The following PDZRN4 variants were observed in gnomAD, a reference collection of about 807,000 sequenced individuals.
PDZRN4 encodes the protein PDZ domain containing ring finger 4, also known as PDZ domain-containing RING finger protein 4.
Under a neutral mutation model 99.0 loss-of-function variants are expected in PDZRN4, and 70 were observed. That is an observed-to-expected ratio of 0.71 (90% confidence interval 0.58 to 0.86). The LOEUF (loss-of-function observed/expected upper bound fraction) is 0.86, where lower values mean the gene tolerates loss of function less well. Among genes scored for constraint, PDZRN4 ranks in the 40% least tolerant of loss-of-function variants. PDZRN4 has a pLI of 0.00. For synonymous variants in PDZRN4, 551 were observed against 501.6 expected (o/e 1.10, Z -1.32); for missense variants, 1,474 against 1,331.2 (o/e 1.11, Z -1.67).
At chr12:41,417,570 A>G (rs1952455316) in intron 3 of PDZRN4, among the ~76,000 whole-genome samples, 1 of 152,208 alleles carries the variant, frequency 6.6e-6, no homozygotes, top group African/African-American at 2.4e-5. Flanking sequence ...GTACTCCAAG[A>G]TGTTGCAATA....
intron 3 of PDZRN4, among the ~76,000 whole-genome samples, chr12:41,257,176 C>A (rs1257526962): frequency 6.6e-6 from 1 of 152,200 alleles, no homozygotes; most frequent in East Asian, 1.9e-4. Flanking sequence ...TGAATGAATT[C>A]TCTTTCTTCC....
chr12:41,395,946 G>T (rs958339146), intron 3 of PDZRN4, among the ~76,000 whole-genome samples: 2 of 151,920 alleles, frequency 1.3e-5, no homozygotes, highest in African/African-American at 4.8e-5. Flanking sequence ...TTCTCAGAAG[G>T]CATTTTTTTA....
At chr12:41,305,371 C>T (rs1235628639) in intron 3 of PDZRN4, among the ~76,000 whole-genome samples, 2 of 152,174 alleles carry the variant, frequency 1.3e-5, no homozygotes, top group Admixed American at 6.5e-5. Flanking sequence ...CAGTGCCAAA[C>T]ATGCAATAAG....
chr12:41,292,355 C>G (rs1951461882), intron 3 of PDZRN4, among the ~76,000 whole-genome samples: 1 of 152,092 alleles, frequency 6.6e-6, no homozygotes, highest in African/African-American at 2.4e-5. Flanking sequence ...TTTCATGTTG[C>G]TGGAGAGCAC....
chr12:41,260,916 A>T (rs1443254158), intron 3 of PDZRN4, among the ~76,000 whole-genome samples: 1 of 151,782 alleles, frequency 6.6e-6, no homozygotes, highest in East Asian at 1.9e-4. Context: ...CTACAATATC[A>T]CCCCCCGTAG....
intron 3 of PDZRN4, among the ~76,000 whole-genome samples, chr12:41,255,555 G>T (rs1951199002): frequency 6.6e-6 from 1 of 152,178 alleles, no homozygotes; most frequent in Non-Finnish European, 1.5e-5. Flanking sequence ...TGAGGAGGAT[G>T]TTGAGGGAAC....
chr12:41,456,953 G>A (rs900065910), intron 3 of PDZRN4, among the ~76,000 whole-genome samples: 7 of 152,190 alleles, frequency 4.6e-5, no homozygotes, highest in African/African-American at 1.4e-4. Flanking sequence ...TCATGCCTAA[G>A]TTTGCAGCCA....
chr12:41,230,215 T>C (rs1951018998), intron 3 of PDZRN4, among the ~76,000 whole-genome samples: 1 of 151,956 alleles, frequency 6.6e-6, no homozygotes, highest in African/African-American at 2.4e-5. Flanking sequence ...CTTTAGGTTC[T>C]GGGTAAGGGA....
chr12:41,378,077 G>C (rs1461379288), intron 3 of PDZRN4, among the ~76,000 whole-genome samples: 1 of 152,080 alleles, frequency 6.6e-6, no homozygotes, highest in African/African-American at 2.4e-5. Context: ...AAAGAATTCA[G>C]GTTTTCACTG....
At chr12:41,368,296 A>G (rs1952016803) in intron 3 of PDZRN4, among the ~76,000 whole-genome samples, 1 of 151,992 alleles carries the variant, frequency 6.6e-6, no homozygotes, top group South Asian at 2.1e-4. Flanking sequence ...TTTTCTCTAG[A>G]GAAGATAGTC....
chr12:41,197,919 G>GCTTT (rs764851464), intron 3 of PDZRN4, among the ~76,000 whole-genome samples: 11 of 113,464 alleles, frequency 9.7e-5, no homozygotes, highest in Admixed American at 2.0e-4. Flanking sequence ...GTTTTTTCTG[G>GCTTT]GTTTTTTTTT....
intron 3 of PDZRN4, among the ~76,000 whole-genome samples, chr12:41,376,432 G>A (rs1289422831): frequency 6.6e-6 from 1 of 151,996 alleles, no homozygotes; most frequent in Admixed American, 6.5e-5. Flanking sequence ...TAACAGGTGT[G>A]GGGTGAGAGT....
chr12:41,271,071 T>G (rs1341631101), intron 3 of PDZRN4, among the ~76,000 whole-genome samples: 1 of 152,128 alleles, frequency 6.6e-6, no homozygotes, highest in East Asian at 1.9e-4. Flanking sequence ...TTTTATATTA[T>G]TTTTCATTTT....
intron 9 of PDZRN4, among the ~76,000 whole-genome samples, chr12:41,568,610 T>C: frequency 6.6e-6 from 1 of 152,200 alleles, no homozygotes; most frequent in Middle Eastern, 3.2e-3. Context: ...CTGTCCTTAA[T>C]GGATTCATAA....
intron 3 of PDZRN4, among the ~76,000 whole-genome samples, chr12:41,243,187 C>T (rs1951111489): frequency 6.6e-6 from 1 of 152,132 alleles, no homozygotes; most frequent in South Asian, 2.1e-4. Flanking sequence ...TTGTTACCAT[C>T]AGCAGATTGC....
At chr12:41,207,953 CA>C (rs11463346) in intron 3 of PDZRN4, among the ~76,000 whole-genome samples, 2,955 of 147,224 alleles carry the variant, frequency 0.02, 72 homozygotes, top group African/African-American at 0.057. Context: ...TTACAGTTTA[CA>C]AAAAAAAAAA....
At chr12:41,260,239 G>A (rs978506795) in intron 3 of PDZRN4, among the ~76,000 whole-genome samples, 1 of 151,980 alleles carries the variant, frequency 6.6e-6, no homozygotes, top group African/African-American at 2.4e-5. Context: ...TACGTATTAG[G>A]ATAGGAACAA....
At chr12:41,244,405 T>C (rs1314317259) in intron 3 of PDZRN4, among the ~76,000 whole-genome samples, 1 of 152,212 alleles carries the variant, frequency 6.6e-6, no homozygotes, top group Admixed American at 6.5e-5. Flanking sequence ...TCAAATCATG[T>C]TACTCCTCTG....
At chr12:41,430,568 C>T (rs565035517) in intron 3 of PDZRN4, among the ~76,000 whole-genome samples, 14 of 151,918 alleles carry the variant, frequency 9.2e-5, no homozygotes, top group Non-Finnish European at 2.1e-4. Flanking sequence ...TGTGTGTGTG[C>T]ATGCATCACA....
Sources: gnomAD v4.1 joint callset for allele counts (sites outside exome capture counted in the v4.1 genomes callset) on GRCh38, gnomAD v4.1.1 for gene constraint, MANE v1.5 for transcripts, NCBI Gene and HGNC (gene_info 2026-07-23, HGNC 2026-07-21) for gene names.